Variants in PCDHGB1 observed in about 807,000 individuals in gnomAD.
PCDHGB1 encodes protocadherin gamma subfamily B, 1.
PCDHGB1 carries 34 observed loss-of-function variants against 56.6 expected under a neutral mutation model. The ratio of observed to expected loss-of-function variants is 0.60; its 90% CI spans 0.46 to 0.80. The LOEUF (loss-of-function observed/expected upper bound fraction) is 0.80. PCDHGB1 is among the 30% of genes least tolerant of loss of function. The pLI, the probability that PCDHGB1 is intolerant of heterozygous loss-of-function variation, is 0.00. For missense variants in PCDHGB1, 1,278 were observed against 1,204.6 expected (o/e 1.06, Z -0.90); for synonymous variants, 561 against 505.9 (o/e 1.11, Z -1.46).
chr5:141,459,699 A>G (rs2098973201), intron 1 of PCDHGB1, among the ~76,000 whole-genome samples: 1 of 152,218 alleles, frequency 6.6e-6, no homozygotes, highest in Non-Finnish European at 1.5e-5. Flanking sequence ...TCCGCTTGCT[A>G]CATTTTCTCA....
At chr5:141,434,223 A>G (rs1164673241) in intron 1 of PCDHGB1, among the ~76,000 whole-genome samples, 1 of 152,214 alleles carries the variant, frequency 6.6e-6, no homozygotes, top group Non-Finnish European at 1.5e-5. Context: ...TAAACAAAGT[A>G]CGATTTCTGG....
At chr5:141,362,497 G>A in intron 1 of PCDHGB1, 1 of 1,613,986 alleles carries the variant, frequency 6.2e-7, no homozygotes, top group Non-Finnish European at 8.5e-7. Context: ...TGCCTCTTGG[G>A]AACAAAATAC....
rs368925514 is a variant in PCDHGB1, at chr5:141,352,224, C to A, written c.1964C>A (p.Thr655Lys). The A allele has an allele frequency of 2.0e-4, 321 of 1,613,974 alleles. No homozygotes were observed. Among genetic ancestry groups the A allele is most frequent in the Non-Finnish European group, 2.7e-4 (316 of 1,179,916 alleles). ...GGQPPLSATA[T>K]LHLIFADSLQ... ...CAGCCGCCACTCTCCGCCACCGCCA[C>A]GCTGCACCTAATCTTCGCGGATAGC... Residue 655 changes from threonine (T) to lysine (K), a missense_variant, in exon 1 of 4, where the codon ACG becomes AAG. Physicochemically the swap from Thr to Lys is moderately conservative, Grantham distance 78. Coordinates refer to ENST00000523390, the MANE Select transcript of PCDHGB1 (RefSeq NM_018922.3).
intron 1 of PCDHGB1, chr5:141,433,267 C>T (rs1462399366): frequency 7.7e-7 from 1 of 1,305,096 alleles, no homozygotes; most frequent in Non-Finnish European, 1.1e-6. Context: ...GATCATAGCT[C>T]ACTGCAGCCT....
intron 1 of PCDHGB1, chr5:141,399,316 T>C (rs1281033457): frequency 6.2e-7 from 1 of 1,613,772 alleles, no homozygotes; most frequent in Non-Finnish European, 8.5e-7. Flanking sequence ...ATCCAAAAAT[T>C]CGTATAAGTT....
chr5:141,392,758 A>G (rs1589161304), intron 1 of PCDHGB1: 2 of 1,472,462 alleles, frequency 1.4e-6, no homozygotes, highest in Non-Finnish European at 1.8e-6. Context: ...AAGAAACTAA[A>G]TAAGACCCAT....
At chr5:141,375,282 A>G (rs564045445) in intron 1 of PCDHGB1, 6 of 1,613,866 alleles carry the variant, frequency 3.7e-6, no homozygotes, top group Middle Eastern at 1.6e-4. Flanking sequence ...TCAGTTGGCA[A>G]TTATTATCGA....
intron 1 of PCDHGB1, chr5:141,374,130 T>G (rs368568776): frequency 1.2e-5 from 20 of 1,604,086 alleles, no homozygotes; most frequent in African/African-American, 2.7e-5. Context: ...CAGGTCCTGC[T>G]CCTCACGCTC....
intron 3 of PCDHGB1, among the ~76,000 whole-genome samples, chr5:141,505,875 T>C (rs991981462): frequency 2.6e-4 from 40 of 152,140 alleles, no homozygotes; most frequent in African/African-American, 9.2e-4. Flanking sequence ...AAAGGGTTGT[T>C]GTAGAGATTA....
intron 3 of PCDHGB1, 62 bp downstream of exon 3, chr5:141,505,543 C>T: frequency 6.2e-7 from 1 of 1,609,636 alleles, no homozygotes; most frequent in Non-Finnish European, 8.5e-7. Flanking sequence ...GTGCATCTCA[C>T]AGCCACCATG....
chr5:141,391,109 T>C (rs1414344509), intron 1 of PCDHGB1: 1 of 152,098 alleles, frequency 6.6e-6, no homozygotes, highest in Non-Finnish European at 1.5e-5. Context: ...TAAACTAATA[T>C]AGCTAGAGGT....
At chr5:141,355,001 G>C (rs1047101891) in intron 1 of PCDHGB1, 1 of 754,922 alleles carries the variant, frequency 1.3e-6, no homozygotes, top group Non-Finnish European at 1.9e-6. Context: ...AGGGGGAAAA[G>C]ACAAACCAGA....
intron 1 of PCDHGB1, among the ~76,000 whole-genome samples, chr5:141,484,170 A>G (rs962978452): frequency 6.6e-6 from 1 of 152,210 alleles, no homozygotes; most frequent in Non-Finnish European, 1.5e-5. Context: ...TTGGTAGCTG[A>G]TCTCAATCAT....
chr5:141,404,200 A>C, intron 1 of PCDHGB1: 1 of 1,613,696 alleles, frequency 6.2e-7, no homozygotes, highest in Non-Finnish European at 8.5e-7. Context: ...AAAAAGCCTC[A>C]GAATATAATA....
intron 1 of PCDHGB1, chr5:141,372,371 G>A: frequency 6.2e-7 from 1 of 1,613,974 alleles, no homozygotes; most frequent in Non-Finnish European, 8.5e-7. Flanking sequence ...CCACCGTCAT[G>A]CTGCACCTAA....
rs1326004540 is a variant in PCDHGB1 at position 141,477,117 on chromosome 5, C to T, written c.2410-17690C>T. Reference sequence around the variant, plus strand: ...GACAAGGGCGCCAATCCCGAAGGAGCACATTGCAAAGTGTTGGTGGAGGTT... The same window carrying T: ...GACAAGGGCGCCAATCCCGAAGGAGTACATTGCAAAGTGTTGGTGGAGGTT... On this transcript the variant is annotated intron_variant, in intron 1 of 3. Coordinates refer to ENST00000523390, the MANE Select transcript of PCDHGB1 (RefSeq NM_018922.3). The surrounding 1 kb of genome is among the most constrained non-coding windows in gnomAD (Gnocchi z 4.9). 1.2e-6 allele frequency: 2 copies of T among 1,614,246 alleles called. No homozygotes were observed. Among genetic ancestry groups the T allele is most frequent in the East Asian group, 4.5e-5 (2 of 44,886 alleles).
At chr5:141,464,279 C>CA (rs373828487) in intron 1 of PCDHGB1, among the ~76,000 whole-genome samples, 31,576 of 137,520 alleles carry the variant, frequency 0.23, 3,494 homozygotes, top group African/African-American at 0.28. Context: ...AAAAAAAAAG[C>CA]AAAAAAAAAA....
chr5:141,393,259 G>C (rs1561641378), intron 1 of PCDHGB1: 1 of 1,613,874 alleles, frequency 6.2e-7, no homozygotes, highest in Admixed American at 1.7e-5. Flanking sequence ...GCGGTTCCTG[G>C]AGCACGTTAT....
At chr5:141,383,391 G>A (rs764733462) in intron 1 of PCDHGB1, 7 of 1,613,978 alleles carry the variant, frequency 4.3e-6, no homozygotes. Context: ...ATGTGGGCAC[G>A]AACTCCCTCC....
Sources: allele counts gnomAD v4.1 joint callset (sites outside exome capture counted in the v4.1 genomes callset), GRCh38; gene constraint gnomAD v4.1.1; non-coding constraint Gnocchi (gnomAD v3.1); transcripts MANE v1.5; gene names NCBI Gene and HGNC (gene_info 2026-07-23, HGNC 2026-07-21).